PKP1: variants seen among roughly 807,000 people sequenced by gnomAD.
The protein encoded by PKP1 is plakophilin 1.
In PKP1, 27 loss-of-function variants were observed where a neutral mutation model predicts 76.4. The observed-to-expected ratio is 0.35, with a 90% CI of 0.26 to 0.49. The LOEUF is 0.49. PKP1 is among the 20% of genes least tolerant of loss of function. PKP1 has a pLI of 0.99. For synonymous variants in PKP1, 404 were observed against 384.2 expected (o/e 1.05, Z -0.60); for missense variants, 964 against 955.2 (o/e 1.01, Z -0.12).
intron 1 of PKP1, among the ~76,000 whole-genome samples, chr1:201,286,767 C>A (rs1377842113): frequency 1.3e-5 from 2 of 152,150 alleles, no homozygotes; most frequent in Non-Finnish European, 2.9e-5. Context: ...GGGTGTCTGG[C>A]CTCCTTTTCT....
rs373547864 is a variant in PKP1, at chr1:201,283,699, C to T, written c.-4C>T. ...CGGCCGCGCGCCACCCGCCTCCCGCCACCATGAACCACTCGCCGCTCAAGA... is the reference window on the plus strand; with the variant it reads ...CGGCCGCGCGCCACCCGCCTCCCGCTACCATGAACCACTCGCCGCTCAAGA... On this transcript the variant is annotated 5_prime_UTR_variant, in exon 1 of 14. Transcript: ENST00000367324. 4.3e-6 allele frequency: 7 copies of T among 1,613,100 alleles called. No homozygotes were observed. The African/African-American group carries it at 5.3e-5, about 12-fold the overall frequency.
At chr1:201,307,195 C>T (rs1558187735) in intron 2 of PKP1, among the ~76,000 whole-genome samples, 1 of 152,160 alleles carries the variant, frequency 6.6e-6, no homozygotes, top group African/African-American at 2.4e-5. Flanking sequence ...TGAGGACCCA[C>T]AGTGAGGCAC....
In PKP1 at chr1:201,320,327, T is replaced by C; in HGVS notation, c.1293T>C (p.Asp431=). The C allele has an allele frequency of 6.2e-7, 1 of 1,614,122 alleles. No homozygotes were observed. Among genetic ancestry groups the C allele is most frequent in the Non-Finnish European group, 8.5e-7 (1 of 1,179,964 alleles). ...QTMRNYSGLI[D]SLMAYVQNCV... is the part of the protein sequence containing the mutation. ...TGCGTAACTACTCAGGGCTCATTGATTCCCTCATGGCCTATGTCCAGAACT... is the reference window on the plus strand; with the variant it reads ...TGCGTAACTACTCAGGGCTCATTGACTCCCTCATGGCCTATGTCCAGAACT... Residue 431 remains aspartate (D), a synonymous_variant, in exon 7 of 14, where the codon GAT becomes GAC. Transcript: ENST00000367324.
chr1:201,313,274 G>T lies in PKP1; in HGVS notation c.415G>T (p.Gly139Cys), dbSNP rs200423351. Residue 139 changes from glycine (G) to cysteine (C), a missense_variant, in exon 3 of 14, where the codon GGC (glycine) becomes TGC (cysteine). Gly to Cys is a radical substitution (Grantham distance 159). Coordinates refer to ENST00000367324, the MANE Select transcript of PKP1 (RefSeq NM_001005337.3). ...HYPRGSCNTT[G>C]AGSDICFMQK... Reference sequence around the variant, plus strand: ...CCCCCGGGGCAGCTGTAACACCACCGGCGCAGGCAGCGACATCTGCTTCAT... The same window carrying T: ...CCCCCGGGGCAGCTGTAACACCACCTGCGCAGGCAGCGACATCTGCTTCAT... The T allele has an allele frequency of 6.2e-7, 1 of 1,603,896 alleles. No individual in the cohort carries two copies. Among genetic ancestry groups the T allele is most frequent in the Non-Finnish European group, 8.5e-7 (1 of 1,175,792 alleles).
intron 1 of PKP1, 42 bp from the exon 2 acceptor site, chr1:201,293,899 GA>G (rs1558183500): frequency 7.6e-7 from 1 of 1,316,682 alleles, no homozygotes; most frequent in South Asian, 1.2e-5. Context: ...GGTGGATGAA[GA>G]TCATGGCCAT....
chr1:201,313,609 A>T (rs753807159), intron 3 of PKP1, 49 bp downstream of exon 3: 1 of 1,583,742 alleles, frequency 6.3e-7, no homozygotes, highest in Non-Finnish European at 8.6e-7. Flanking sequence ...CAGTGGGGAG[A>T]CACACCCTTA....
chr1:201,289,603 T>G (rs1655851256), intron 1 of PKP1, among the ~76,000 whole-genome samples: 1 of 152,166 alleles, frequency 6.6e-6, no homozygotes, highest in East Asian at 1.9e-4. Flanking sequence ...GTGTGGAGTG[T>G]GGATCTACCA....
intron 2 of PKP1, among the ~76,000 whole-genome samples, chr1:201,306,281 C>T (rs952452669): frequency 6.6e-6 from 1 of 152,228 alleles, no homozygotes; most frequent in African/African-American, 2.4e-5. Flanking sequence ...CAGGAGCTGG[C>T]ATAGTTGCGT....
chr1:201,327,494 A>G (rs1657163151), intron 12 of PKP1, among the ~76,000 whole-genome samples: 1 of 152,162 alleles, frequency 6.6e-6, no homozygotes, highest in South Asian at 2.1e-4. Flanking sequence ...GGCTTGGCAA[A>G]TGGCAACTGC....
intron 8 of PKP1, 31 bp downstream of exon 8, chr1:201,322,164 C>T: frequency 6.2e-7 from 1 of 1,603,602 alleles, no homozygotes; most frequent in Non-Finnish European, 8.5e-7. Context: ...GCGGGGCCTG[C>T]CCCATCAAGC....
rs1460078300 is a variant in PKP1, at chr1:201,318,805, G to A, written c.1232+10G>A. On this transcript the variant is annotated intron_variant, in intron 6 of 13. Transcript: ENST00000367324. Reference sequence around the variant, plus strand: ...CCACAGGCTGCTTGAGGTGAGAGAAGAGGATACATGGGGTCTTTTTGTCCC... The same window carrying A: ...CCACAGGCTGCTTGAGGTGAGAGAAAAGGATACATGGGGTCTTTTTGTCCC... The A allele has an allele frequency of 1.9e-6, 3 of 1,585,550 alleles. No homozygotes were observed. Among genetic ancestry groups the A allele is most frequent in the Admixed American group, 3.6e-5 (2 of 55,958 alleles).
At chr1:201,324,377 T>C in intron 9 of PKP1, 51 bp from the exon 10 acceptor site, 1 of 1,556,538 alleles carries the variant, frequency 6.4e-7, no homozygotes, top group South Asian at 1.1e-5. Flanking sequence ...CTGCCTGCCA[T>C]GGTGCCTGGG....
At position 201,317,551 on chromosome 1, in the gene PKP1, G is replaced by A. The variant is rs200793425; in HGVS notation, c.847-21G>A. ...GCCTCATCTCCCTTGACCAGGCAGC[G>A]TGGCAACTCTTTCCTGGCAGGTCTA... On this transcript the variant is annotated intron_variant, in intron 4 of 13. Coordinates refer to ENST00000367324, the MANE Select transcript of PKP1 (RefSeq NM_001005337.3). The A allele has an allele frequency of 5.6e-5, 90 of 1,604,000 alleles. No homozygotes were observed. In the African/African-American group the frequency reaches 8.6e-4, roughly 15 times the overall value.
chr1:201,313,127 A>G, intron 2 of PKP1, 39 bp from the exon 3 acceptor site: 2 of 1,603,032 alleles, frequency 1.2e-6, no homozygotes, highest in South Asian at 1.1e-5. Flanking sequence ...ACCCCCATTT[A>G]GGAACCTTGA....
In PKP1 at chr1:201,319,875, G is replaced by A. The variant is rs764089216; in HGVS notation, c.1233-392G>A. The A allele has an allele frequency of 3.1e-6, 5 of 1,614,004 alleles. No individual in the cohort carries two copies. In the East Asian group the frequency reaches 1.1e-4, roughly 36 times the overall value. The stretch of plus-strand genomic sequence containing the variant: ...GTTCCGCAAAGGGCCACTAGTAGCA[G>A]GGTGTGAGCCTTGGGATGCAGCTGC... On this transcript the variant is annotated intron_variant, in intron 6 of 13. Transcript: ENST00000367324.
intron 2 of PKP1, among the ~76,000 whole-genome samples, chr1:201,300,839 T>C (rs1316163374): frequency 6.6e-6 from 1 of 152,186 alleles, no homozygotes; most frequent in Non-Finnish European, 1.5e-5. Context: ...GATCGGCTCC[T>C]GGAGGAGCTG....
rs201819131 is a variant in PKP1, at chr1:201,283,921, C to G, written c.202+17C>G. On this transcript the variant is annotated intron_variant, in intron 1 of 13. Transcript: ENST00000367324. ...CCAATCGAGGTAAAGGCTCGGCCCCCGCGTGGTCCGTGCGCCCCTTTCCAG... is the reference window on the plus strand; with the variant it reads ...CCAATCGAGGTAAAGGCTCGGCCCCGGCGTGGTCCGTGCGCCCCTTTCCAG... 6.2e-7 allele frequency: 1 copy of G among 1,610,812 alleles called. No individual in the cohort carries two copies. Among genetic ancestry groups the G allele is most frequent in the Non-Finnish European group, 8.5e-7 (1 of 1,177,220 alleles).
chr1:201,324,976 A>G lies in PKP1; in HGVS notation c.1870A>G (p.Thr624Ala). ...GTTCCCGGAGGTGACCAGGCTCCTC[A>G]CCAGCCACACTGGCAATACCAGCAA... is the stretch of plus-strand genomic sequence containing the variant. ...QVFPEVTRLL[T>A]SHTGNTSNSE... The change falls in exon 11 of 14, where the codon ACC becomes GCC. Residue 624 changes from threonine to alanine, a missense_variant. Coordinates refer to ENST00000367324, the MANE Select transcript of PKP1 (RefSeq NM_001005337.3). 1 of 1,613,122 alleles carries G rather than the reference A, an allele frequency of 6.2e-7. No individual in the cohort carries two copies. The highest frequency in any genetic ancestry group is 1.3e-5 in the African/African-American group (1 of 75,006).
At chr1:201,325,327 C>A (rs1657082479) in intron 11 of PKP1, among the ~76,000 whole-genome samples, 200 bp downstream of exon 11, 1 of 152,146 alleles carries the variant, frequency 6.6e-6, no homozygotes, top group Non-Finnish European at 1.5e-5. Context: ...CATCCAGGCC[C>A]CAGGGCTGCA....
Sources: gnomAD v4.1 joint callset for allele counts (sites outside exome capture counted in the v4.1 genomes callset) on GRCh38, gnomAD v4.1.1 for gene constraint, MANE v1.5 for transcripts, NCBI Gene and HGNC (gene_info 2026-07-23, HGNC 2026-07-21) for gene names.